Variants in AFF3 observed in about 807,000 individuals in gnomAD.
AFF3 encodes ALF transcription elongation factor 3.
AFF3 carries 32 observed loss-of-function variants against 129.7 expected under a neutral mutation model. The observed-to-expected ratio is 0.25, with a 90% confidence interval of 0.19 to 0.33. The LOEUF (loss-of-function observed/expected upper bound fraction) is 0.33. Ranked by LOEUF, AFF3 falls within the 10% of genes least tolerant of loss-of-function variation. The pLI, the probability that AFF3 is intolerant of heterozygous loss-of-function variation, is 1.00. For synonymous variants in AFF3, 644 were observed against 635.4 expected, an observed-to-expected ratio of 1.01 and a Z score of -0.20; for missense variants, 1,373 against 1,592.0, an observed-to-expected ratio of 0.86 and a Z score of 2.34.
At chr2:100,131,521 G>A (rs1692428916) in intron 1 of AFF3, among the ~76,000 whole-genome samples, 1 of 152,186 alleles carries the variant, frequency 6.6e-6, no homozygotes, top group South Asian at 2.1e-4. Context: ...GTGCAGTGGT[G>A]CAGTCTCAGC....
chr2:100,036,134 T>TGA (rs1491274935), intron 4 of AFF3, among the ~76,000 whole-genome samples: 8 of 64,340 alleles, frequency 1.2e-4, no homozygotes, highest in Non-Finnish European at 1.9e-4. Flanking sequence ...AATACAGTGC[T>TGA]AAAAAAAAAA....
intron 4 of AFF3, among the ~76,000 whole-genome samples, chr2:100,093,816 G>A (rs1690066676): frequency 6.6e-6 from 1 of 152,162 alleles, no homozygotes; most frequent in Non-Finnish European, 1.5e-5. Flanking sequence ...TGGTGCTCAG[G>A]CAGAACGGAC....
At chr2:100,102,011 C>G (rs1325324585) in intron 4 of AFF3, among the ~76,000 whole-genome samples, 4 of 149,260 alleles carry the variant, frequency 2.7e-5, no homozygotes, top group African/African-American at 4.9e-5. Context: ...TTTAACAGTT[C>G]AAAGCTTCTA....
chr2:99,613,161 C>T (rs1245474464), intron 13 of AFF3, among the ~76,000 whole-genome samples: 3 of 152,126 alleles, frequency 2.0e-5, no homozygotes, highest in African/African-American at 7.2e-5. Flanking sequence ...GGTTGATATT[C>T]ACAGGGGAAC....
intron 4 of AFF3, among the ~76,000 whole-genome samples, chr2:100,016,615 T>C (rs1210586682): frequency 7.1e-6 from 1 of 140,302 alleles, no homozygotes; most frequent in African/African-American, 2.9e-5. Context: ...GTGGTGGTAA[T>C]GGTGATGGTG....
chr2:99,960,520 GC>G (rs949996170), intron 7 of AFF3, among the ~76,000 whole-genome samples: 1 of 152,184 alleles, frequency 6.6e-6, no homozygotes, highest in African/African-American at 2.4e-5. Flanking sequence ...GAGATGCTAT[GC>G]TTTATCAACA....
intron 19 of AFF3, among the ~76,000 whole-genome samples, chr2:99,568,015 C>T (rs986759565): frequency 2.0e-5 from 3 of 152,136 alleles, no homozygotes; most frequent in Admixed American, 2.0e-4. Context: ...CTCCTGTACC[C>T]CAGTGTACAT....
At chr2:99,970,827 G>A (rs1456611588) in intron 7 of AFF3, among the ~76,000 whole-genome samples, 1 of 152,206 alleles carries the variant, frequency 6.6e-6, no homozygotes, top group Admixed American at 6.5e-5. Context: ...GGGGAGGCGT[G>A]TCTCACGCAC....
chr2:99,932,552 T>C (rs1674127325), intron 7 of AFF3, among the ~76,000 whole-genome samples: 1 of 152,154 alleles, frequency 6.6e-6, no homozygotes, highest in African/African-American at 2.4e-5. Context: ...CACAGCAAGC[T>C]TGGCCAGGAT....
intron 11 of AFF3, among the ~76,000 whole-genome samples, chr2:99,694,506 A>G (rs1218825509): frequency 1.3e-5 from 2 of 152,110 alleles, no homozygotes; most frequent in Non-Finnish European, 2.9e-5. Flanking sequence ...TTTTAAGAAC[A>G]TGGACGCCTA....
chr2:100,024,014 C>CCT (rs1454480857), intron 4 of AFF3, among the ~76,000 whole-genome samples: 3 of 150,150 alleles, frequency 2.0e-5, no homozygotes, highest in Middle Eastern at 3.6e-3. Context: ...GGGCGGATCA[C>CCT]GAGGTCAGGA....
At chr2:99,762,113 T>C (rs1012234373) in intron 8 of AFF3, among the ~76,000 whole-genome samples, 4 of 150,810 alleles carry the variant, frequency 2.7e-5, no homozygotes, top group South Asian at 2.1e-4. Flanking sequence ...CACTTATATA[T>C]AATCAATGCC....
intron 7 of AFF3, among the ~76,000 whole-genome samples, chr2:99,854,512 TG>T (rs960678462): frequency 1.3e-5 from 2 of 152,178 alleles, no homozygotes; most frequent in Non-Finnish European, 2.9e-5. Context: ...AATAAATCAG[TG>T]TGATAAGCAG....
At chr2:99,940,909 AT>A (rs67394871) in intron 7 of AFF3, among the ~76,000 whole-genome samples, 26,672 of 151,618 alleles carry the variant, frequency 0.18, 2,940 homozygotes, top group African/African-American at 0.3. Flanking sequence ...CCAGCTCGTG[AT>A]TTTTTTTCTG....
At chr2:99,551,788 T>A (rs925158256) in intron 24 of AFF3, among the ~76,000 whole-genome samples, 193 bp from the exon 25 acceptor site, 7 of 152,172 alleles carry the variant, frequency 4.6e-5, no homozygotes, top group African/African-American at 9.7e-5. Context: ...TCCAAATAAA[T>A]AAATACATGA....
At chr2:99,917,301 C>T (rs1695537541) in intron 7 of AFF3, among the ~76,000 whole-genome samples, 1 of 152,168 alleles carries the variant, frequency 6.6e-6, no homozygotes. Flanking sequence ...TCTCTTGATA[C>T]TCCTCATTGG....
chr2:99,812,079 C>T (rs1303858857), intron 8 of AFF3, among the ~76,000 whole-genome samples: 1 of 152,146 alleles, frequency 6.6e-6, no homozygotes, highest in East Asian at 1.9e-4. Context: ...GATGTCTTAC[C>T]TTGAGGGGGT....
intron 7 of AFF3, among the ~76,000 whole-genome samples, chr2:100,002,500 A>G (rs971073790): frequency 2.0e-5 from 3 of 152,216 alleles, no homozygotes; most frequent in African/African-American, 7.2e-5. Flanking sequence ...CTATTTAATT[A>G]CTTATTTTAA....
At chr2:99,807,871 C>A (rs1442023344) in intron 8 of AFF3, among the ~76,000 whole-genome samples, 1 of 151,446 alleles carries the variant, frequency 6.6e-6, no homozygotes, top group African/African-American at 2.5e-5. Context: ...CTCTGGCAGT[C>A]CCCGCTGGCT....
Sources: allele counts gnomAD v4.1 joint callset (sites outside exome capture counted in the v4.1 genomes callset), GRCh38; gene constraint gnomAD v4.1.1; transcripts MANE v1.5; gene names NCBI Gene and HGNC (gene_info 2026-07-23, HGNC 2026-07-21).